The following AMBRA1 variants were observed in gnomAD, a reference collection of about 807,000 sequenced individuals.
AMBRA1 encodes activating molecule in BECN1-regulated autophagy protein 1.
AMBRA1 carries 47 observed loss-of-function variants against 125.4 expected under a neutral mutation model. That is an observed-to-expected ratio of 0.37 (90% CI 0.30 to 0.48). The LOEUF is 0.48. Ranked by LOEUF, AMBRA1 falls within the 20% of genes least tolerant of loss-of-function variation. The pLI is 0.99. For missense variants in AMBRA1, 1,331 were observed against 1,693.4 expected, an observed-to-expected ratio of 0.79 and a Z score of 3.76; for synonymous variants, 626 against 655.5, an observed-to-expected ratio of 0.95 and a Z score of 0.69.
At chr11:46,565,663 C>T (rs1241692389) in intron 1 of AMBRA1, among the ~76,000 whole-genome samples, 1 of 151,928 alleles carries the variant, frequency 6.6e-6, no homozygotes, top group Non-Finnish European at 1.5e-5. Flanking sequence ...ACTGAGATCA[C>T]GCCACCATAC....
intron 11 of AMBRA1, among the ~76,000 whole-genome samples, chr11:46,483,941 GTTA>G (rs775139225): frequency 3.8e-4 from 58 of 152,266 alleles, no homozygotes; most frequent in Non-Finnish European, 4.4e-4. Context: ...GTTAGCATGG[GTTA>G]TTAACTTCCA....
intron 7 of AMBRA1, 67 bp downstream of exon 7, chr11:46,541,878 T>C (rs564392583): frequency 3.2e-5 from 50 of 1,577,018 alleles, no homozygotes; most frequent in East Asian, 1.6e-4. Flanking sequence ...ACAACATCTA[T>C]AGGACTCAAG....
intron 1 of AMBRA1, among the ~76,000 whole-genome samples, chr11:46,573,694 T>G (rs992853182): frequency 1.3e-5 from 2 of 151,704 alleles, no homozygotes; most frequent in African/African-American, 2.4e-5. Flanking sequence ...ACTTTAAGTT[T>G]TAGGGTACAT....
rs1431544727 is a variant in AMBRA1 at position 46,462,359 on chromosome 11, C to T, written c.2522-18761G>A. 2.6e-5 allele frequency among the ~76,000 whole-genome samples: 4 copies of T among 152,294 alleles called. No homozygotes were observed. In the East Asian group the frequency reaches 7.7e-4, roughly 29 times the overall value. On this transcript the variant is annotated intron_variant, in intron 11 of 17. Coordinates refer to ENST00000683756, the MANE Select transcript of AMBRA1 (RefSeq NM_001387011.1). ...TAATCTTGCAGTCAACACTAAGCGC[C>T]GGGCCCTTGTCCCATACAAAACCAT...
intron 1 of AMBRA1, among the ~76,000 whole-genome samples, chr11:46,576,347 C>T (rs544719294): frequency 1.3e-5 from 2 of 152,208 alleles, no homozygotes; most frequent in South Asian, 2.1e-4. Context: ...AGGCAGGTCT[C>T]GAACTCCTGG....
chr11:46,420,577 G>A (rs1210048960), intron 14 of AMBRA1, among the ~76,000 whole-genome samples: 1 of 152,174 alleles, frequency 6.6e-6, no homozygotes, highest in Non-Finnish European at 1.5e-5. Flanking sequence ...TAGACTTTAT[G>A]GTTAAACACA....
chr11:46,496,178 A>G (rs1272112754), intron 9 of AMBRA1, among the ~76,000 whole-genome samples: 1 of 152,046 alleles, frequency 6.6e-6, no homozygotes, highest in Non-Finnish European at 1.5e-5. Flanking sequence ...GTTCGAGACC[A>G]GCCTGGCCAA....
chr11:46,437,628 ATAAGTGTCACT>A (rs1459404289), intron 12 of AMBRA1, among the ~76,000 whole-genome samples: 1 of 152,234 alleles, frequency 6.6e-6, no homozygotes, highest in Non-Finnish European at 1.5e-5. Flanking sequence ...TTCAGTTACA[ATAAGTGTCACT>A]GCTTCCATTC....
At chr11:46,433,117 C>T (rs1487205617) in intron 14 of AMBRA1, among the ~76,000 whole-genome samples, 1 of 152,174 alleles carries the variant, frequency 6.6e-6, no homozygotes, top group Non-Finnish European at 1.5e-5. Flanking sequence ...ACAGCTTGTT[C>T]CCTCACACAC....
intron 1 of AMBRA1, among the ~76,000 whole-genome samples, chr11:46,577,787 C>T (rs2044010426): frequency 6.6e-6 from 1 of 151,886 alleles, no homozygotes; most frequent in African/African-American, 2.4e-5. Flanking sequence ...CCTGTCTCTA[C>T]TAAAAGTACA....
chr11:46,562,207 A>T (rs2043361440), intron 1 of AMBRA1, among the ~76,000 whole-genome samples: 1 of 152,176 alleles, frequency 6.6e-6, no homozygotes, highest in South Asian at 2.1e-4. Context: ...AAACCTTGAG[A>T]AAAGAGGCAG....
intron 1 of AMBRA1, among the ~76,000 whole-genome samples, chr11:46,575,185 T>C (rs548610275): frequency 2.6e-5 from 4 of 152,234 alleles, no homozygotes; most frequent in South Asian, 4.1e-4. Flanking sequence ...CACTCAGGCA[T>C]GATGGCTCAC....
chr11:46,411,201 C>G (rs114032209), intron 15 of AMBRA1, among the ~76,000 whole-genome samples: 5 of 151,608 alleles, frequency 3.3e-5, no homozygotes, highest in Non-Finnish European at 7.4e-5. Context: ...CGGAGGAAGA[C>G]AAACTTCACC....
rs530791020 is a variant in AMBRA1 at position 46,520,737 on chromosome 11, A to AG, written c.2073-7925dup. On this transcript the variant is annotated intron_variant, in intron 7 of 17. Coordinates refer to ENST00000683756, the MANE Select transcript of AMBRA1 (RefSeq NM_001387011.1). ...CAGCCTCCCGAGTAGCTGGGACTAC[A>AG]GGCGCCCACCACCAAGCCCGGCTAA... 3.0e-3 allele frequency among the ~76,000 whole-genome samples: 454 copies of AG among 149,650 alleles called. 1 individual carries two copies. Among genetic ancestry groups the AG allele is most frequent in the African/African-American group, 0.011 (438 of 40,938 alleles).
At position 46,410,356 on chromosome 11, in the gene AMBRA1, A is replaced by T. The variant is rs1468938029; in HGVS notation, c.3129T>A (p.Ser1043=). The T allele has an allele frequency of 6.2e-7, 1 of 1,613,820 alleles. No homozygotes were observed. The highest frequency in any genetic ancestry group is 8.5e-7 in the Non-Finnish European group (1 of 1,179,886). ...GCTGGTCCCAGTAGTACTCAACACC[A>T]GAGTTTAAGGCCCTAAAAATCAGTT... ...LVICRPEALN[S]GVEYYWDQLN... Residue 1043 remains serine (S), a synonymous_variant, in exon 16 of 18, where the codon TCT becomes TCA. Coordinates refer to ENST00000683756, the MANE Select transcript of AMBRA1 (RefSeq NM_001387011.1).
At chr11:46,433,434 G>T in intron 14 of AMBRA1, 40 bp downstream of exon 14, 1 of 1,603,694 alleles carries the variant, frequency 6.2e-7, no homozygotes, top group Non-Finnish European at 8.5e-7. Flanking sequence ...CAAGCCTAGG[G>T]GAGCTGCCAT....
At chr11:46,427,737 G>C (rs1027504019) in intron 14 of AMBRA1, among the ~76,000 whole-genome samples, 1 of 152,156 alleles carries the variant, frequency 6.6e-6, no homozygotes, top group Non-Finnish European at 1.5e-5. Flanking sequence ...GGCCGGGAGC[G>C]CTGGCTCATG....
intron 17 of AMBRA1, among the ~76,000 whole-genome samples, chr11:46,401,816 G>GCT (rs779998908): frequency 2.0e-5 from 3 of 152,164 alleles, no homozygotes; most frequent in Admixed American, 6.5e-5. Flanking sequence ...TCCTAATTCA[G>GCT]CTCTGCTGAC....
intron 1 of AMBRA1, among the ~76,000 whole-genome samples, chr11:46,550,280 T>A (rs2042952752): frequency 1.3e-5 from 2 of 152,234 alleles, no homozygotes; most frequent in Admixed American, 6.5e-5. Context: ...AGTTTAAATG[T>A]TTTTGGTGAC....
Sources: allele counts gnomAD v4.1 joint callset (sites outside exome capture counted in the v4.1 genomes callset), GRCh38; gene constraint gnomAD v4.1.1; transcripts MANE v1.5; gene names NCBI Gene and HGNC (gene_info 2026-07-23, HGNC 2026-07-21).